OSBPL8: variants seen among roughly 807,000 people sequenced by gnomAD.
The protein encoded by OSBPL8 is oxysterol binding protein like 8, also known as oxysterol-binding protein-related protein 8.
Under a neutral mutation model 125.5 loss-of-function variants are expected in OSBPL8, and 59 were observed. That is an observed-to-expected ratio of 0.47 (90% CI 0.38 to 0.58). The LOEUF (loss-of-function observed/expected upper bound fraction) is 0.58. OSBPL8 is among the 20% of genes least tolerant of loss of function. OSBPL8 has a pLI of 0.00. For missense variants in OSBPL8, 758 were observed against 1,047.8 expected, an observed-to-expected ratio of 0.72 and a Z score of 3.82; for synonymous variants, 330 against 338.9, an observed-to-expected ratio of 0.97 and a Z score of 0.29.
intron 1 of OSBPL8, among the ~76,000 whole-genome samples, chr12:76,548,144 A>T (rs1228498402): frequency 6.6e-6 from 1 of 152,196 alleles, no homozygotes; most frequent in Non-Finnish European, 1.5e-5. Context: ...CAGTTACTCC[A>T]GATACTCCAC....
chr12:76,371,650 T>A, intron 18 of OSBPL8, 66 bp from the exon 19 acceptor site: 1 of 1,267,794 alleles, frequency 7.9e-7, no homozygotes, highest in Non-Finnish European at 1.0e-6. Flanking sequence ...TATAGTATAG[T>A]AATATGACGG....
intron 21 of OSBPL8, 68 bp downstream of exon 21, chr12:76,369,146 T>A (rs1952524188): frequency 1.3e-6 from 2 of 1,537,848 alleles, no homozygotes; most frequent in Non-Finnish European, 8.7e-7. Flanking sequence ...AAATTTTAGT[T>A]GGTTGCTATA....
chr12:76,456,432 T>G (rs1874054042), intron 3 of OSBPL8, among the ~76,000 whole-genome samples: 1 of 152,052 alleles, frequency 6.6e-6, no homozygotes, highest in African/African-American at 2.4e-5. Context: ...AGGCAGATTA[T>G]TTGAGGTCAG....
intron 4 of OSBPL8, among the ~76,000 whole-genome samples, chr12:76,448,131 G>T (rs994734012): frequency 6.6e-6 from 1 of 152,080 alleles, no homozygotes; most frequent in Non-Finnish European, 1.5e-5. Flanking sequence ...TAAGTATTTT[G>T]GGGTACGTCA....
chr12:76,411,975 A>G (rs977759058), intron 4 of OSBPL8, among the ~76,000 whole-genome samples: 1 of 152,178 alleles, frequency 6.6e-6, no homozygotes, highest in African/African-American at 2.4e-5. Flanking sequence ...TGTATCTATT[A>G]AAGTTAAATG....
rs979080162 is a variant in OSBPL8, at chr12:76,352,769, A to G, written c.*3120T>C. ...TGGAATTTTATACATTTGTTTTCTT[A>G]AATTTTGACAGATATTCTTCAGAAA... On this transcript the variant is annotated 3_prime_UTR_variant, in exon 24 of 24. Transcript: ENST00000261183. 6.6e-6 allele frequency: 1 copy of G among 152,530 alleles called. No individual in the cohort carries two copies. The highest frequency in any genetic ancestry group is 1.5e-5 in the Non-Finnish European group (1 of 67,934). The allele number at this position is 152,530 out of a possible 1,614,324, so 9.4% of individuals were successfully genotyped here.
intron 1 of OSBPL8, among the ~76,000 whole-genome samples, chr12:76,521,187 C>G (rs1171615019): frequency 6.6e-6 from 1 of 152,150 alleles, no homozygotes; most frequent in Non-Finnish European, 1.5e-5. Context: ...AAACACATAC[C>G]TTGGGTTTCC....
intron 15 of OSBPL8, among the ~76,000 whole-genome samples, chr12:76,383,174 ACTGATGAAGTAAT>A (rs1310091764): frequency 6.6e-6 from 1 of 152,152 alleles, no homozygotes; most frequent in Non-Finnish European, 1.5e-5. Context: ...AAAAAGGCCC[ACTGATGAAGTAAT>A]CCCAGAAAGT....
At chr12:76,397,194 TA>T (rs996214230) in intron 8 of OSBPL8, among the ~76,000 whole-genome samples, 101 of 26,806 alleles carry the variant, frequency 3.8e-3, no homozygotes, top group Middle Eastern at 0.04. Flanking sequence ...AGTAAGTAAT[TA>T]AAAAAAATTT....
intron 12 of OSBPL8, among the ~76,000 whole-genome samples, chr12:76,388,620 T>A (rs1239053208): frequency 6.6e-6 from 1 of 152,204 alleles, no homozygotes; most frequent in East Asian, 1.9e-4. Flanking sequence ...TTACTATAAT[T>A]CAAATGTACA....
intron 5 of OSBPL8, among the ~76,000 whole-genome samples, chr12:76,403,024 T>A (rs1185081663): frequency 6.6e-6 from 1 of 152,232 alleles, no homozygotes; most frequent in Non-Finnish European, 1.5e-5. Flanking sequence ...TTTTACATTC[T>A]ATTTTTTAAG....
chr12:76,389,569 T>C (rs907744873), intron 12 of OSBPL8, 76 bp downstream of exon 12: 9 of 1,198,760 alleles, frequency 7.5e-6, no homozygotes, highest in Non-Finnish European at 9.0e-6. Context: ...AAACAAACGA[T>C]AATTGAAAAT....
intron 6 of OSBPL8, among the ~76,000 whole-genome samples, chr12:76,400,225 T>C (rs1468218203): frequency 2.6e-5 from 4 of 152,212 alleles, no homozygotes; most frequent in Admixed American, 2.6e-4. Context: ...CCATGTGTTC[T>C]CATCATTTTG....
intron 15 of OSBPL8, among the ~76,000 whole-genome samples, chr12:76,381,550 G>C (rs1415144720): frequency 6.6e-6 from 1 of 151,998 alleles, no homozygotes; most frequent in Non-Finnish European, 1.5e-5. Flanking sequence ...TAGATACACA[G>C]GCATTTATGA....
At chr12:76,470,704 C>T (rs1876033880) in intron 2 of OSBPL8, among the ~76,000 whole-genome samples, 1 of 152,156 alleles carries the variant, frequency 6.6e-6, no homozygotes, top group Admixed American at 6.5e-5. Context: ...CACTGCACAG[C>T]ATCAAGCCAC....
intron 4 of OSBPL8, among the ~76,000 whole-genome samples, chr12:76,418,864 A>C (rs1869089783): frequency 1.3e-5 from 2 of 151,720 alleles, no homozygotes; most frequent in Non-Finnish European, 2.9e-5. Context: ...GCAGATATTC[A>C]GAATGATTAC....
At chr12:76,472,227 C>T (rs1171618819) in intron 2 of OSBPL8, among the ~76,000 whole-genome samples, 1 of 152,210 alleles carries the variant, frequency 6.6e-6, no homozygotes, top group East Asian at 1.9e-4. Context: ...ATCTTAACAT[C>T]ATTTTTAAGA....
intron 4 of OSBPL8, among the ~76,000 whole-genome samples, chr12:76,418,882 A>G (rs1869091387): frequency 6.6e-6 from 1 of 151,880 alleles, no homozygotes; most frequent in African/African-American, 2.4e-5. Flanking sequence ...TACTATTTAG[A>G]TTGACAGATG....
intron 2 of OSBPL8, among the ~76,000 whole-genome samples, chr12:76,480,821 A>G (rs904880037): frequency 1.3e-5 from 2 of 152,198 alleles, no homozygotes; most frequent in African/African-American, 4.8e-5. Context: ...TGGCCTCCCA[A>G]AGATGTCCAC....
Sources: allele counts gnomAD v4.1 joint callset (sites outside exome capture counted in the v4.1 genomes callset), GRCh38; gene constraint gnomAD v4.1.1; transcripts MANE v1.5; gene names NCBI Gene and HGNC (gene_info 2026-07-23, HGNC 2026-07-21).